DPP6: variants seen among roughly 807,000 people sequenced by gnomAD.
DPP6 encodes the protein A-type potassium channel modulatory protein DPP6.
Under a neutral mutation model 122.6 loss-of-function variants are expected in DPP6, and 69 were observed. The observed-to-expected ratio is 0.56, with a 90% CI of 0.46 to 0.69. DPP6 has a LOEUF of 0.69. Among genes scored for constraint, DPP6 ranks in the 30% least tolerant of loss-of-function variants. The probability of loss-of-function intolerance (pLI) is 0.00; values close to 1 mark genes in which losing one functional copy is unlikely to be tolerated. For synonymous variants in DPP6, 418 were observed against 433.1 expected (o/e 0.97, Z 0.43); for missense variants, 928 against 1,116.9 (o/e 0.83, Z 2.41).
intron 6 of DPP6, among the ~76,000 whole-genome samples, chr7:154,643,268 T>A (rs577781071): frequency 2.0e-5 from 3 of 152,258 alleles, no homozygotes; most frequent in South Asian, 4.1e-4. Context: ...ATTCTGACCT[T>A]CTGCAATTAA....
At chr7:154,058,476 AGGG>A (rs34296411) in intron 1 of DPP6, 1 of 113,600 alleles carries the variant, frequency 8.8e-6, no homozygotes, top group Non-Finnish European at 1.8e-5. Flanking sequence ...CCCCCATCGT[AGGG>A]GGGGGGAGGC....
intron 1 of DPP6, among the ~76,000 whole-genome samples, chr7:154,356,626 G>C (rs762319820): frequency 6.6e-6 from 1 of 151,752 alleles, no homozygotes; most frequent in Non-Finnish European, 1.5e-5. Context: ...TCAATAGTCA[G>C]ACAATTCTAT....
At chr7:154,402,262 G>A (rs1815685532) in intron 1 of DPP6, among the ~76,000 whole-genome samples, 1 of 152,112 alleles carries the variant, frequency 6.6e-6, no homozygotes, top group African/African-American at 2.4e-5. Context: ...ATACCCAGAC[G>A]ACTATAAATC....
chr7:154,591,992 G>A (rs557528531), intron 5 of DPP6, among the ~76,000 whole-genome samples: 3 of 152,318 alleles, frequency 2.0e-5, no homozygotes, highest in South Asian at 2.1e-4. Context: ...GAACAGGGGC[G>A]GCTACTGCAG....
At chr7:154,522,238 T>C (rs1827050413) in intron 3 of DPP6, among the ~76,000 whole-genome samples, 2 of 152,088 alleles carry the variant, frequency 1.3e-5, no homozygotes, top group African/African-American at 4.8e-5. Flanking sequence ...CCTCCCAAAA[T>C]GCTAGGATTA....
chr7:153,899,867 G>A (rs1443994128), intron 1 of DPP6, among the ~76,000 whole-genome samples: 2 of 152,208 alleles, frequency 1.3e-5, no homozygotes, highest in Non-Finnish European at 2.9e-5. Flanking sequence ...TTCTCATTAA[G>A]AGTTGAAGGC....
At position 154,032,114 on chromosome 7, in the gene DPP6, T is replaced by A. The variant is rs566561366; in HGVS notation, c.51+144380T>A. Among the ~76,000 whole-genome samples the A allele has an allele frequency of 1.4e-4, 21 of 151,898 alleles. No homozygotes were observed. The South Asian group carries it at 1.9e-3, about 14-fold the overall frequency. On this transcript the variant is annotated intron_variant, in intron 1 of 25. Coordinates refer to the DPP6 transcript ENST00000404039. Reference sequence around the variant, plus strand: ...TGGTCTCGATCTCCTGACCTTGTGATCCTCCCGCCTCAGCCTCCCAAAGTG... The same window carrying A: ...TGGTCTCGATCTCCTGACCTTGTGAACCTCCCGCCTCAGCCTCCCAAAGTG...
intron 6 of DPP6, among the ~76,000 whole-genome samples, chr7:154,639,140 C>T (rs1386147127): frequency 6.6e-6 from 1 of 152,136 alleles, no homozygotes; most frequent in African/African-American, 2.4e-5. Context: ...AGAATACAGG[C>T]AAGTCCTTGG....
At chr7:153,870,598 TC>T in the DPP6 span, among the ~76,000 whole-genome samples, 1 of 152,344 alleles carries the variant, frequency 6.6e-6, no homozygotes, top group South Asian at 2.1e-4. Flanking sequence ...GGTTCAAACT[TC>T]CTCCTTTAGC....
At position 154,149,919 on chromosome 7, in the gene DPP6, A is replaced by G. The variant is rs183035213; in HGVS notation, c.243+96856A>G. 5.5e-4 allele frequency among the ~76,000 whole-genome samples: 83 copies of G among 152,094 alleles called. 1 individual carries two copies. The East Asian group carries it at 0.011, about 20-fold the overall frequency. On this transcript the variant is annotated intron_variant, in intron 1 of 25. Coordinates refer to ENST00000377770, the MANE Select transcript of DPP6 (RefSeq NM_130797.4). ...CGGGAAAGTTCCAGCAGGCAGATAC[A>G]TTGCTTCCCACACAAGCTCATTGGG...
At chr7:154,325,151 G>A (rs922804179) in intron 1 of DPP6, among the ~76,000 whole-genome samples, 3 of 152,046 alleles carry the variant, frequency 2.0e-5, no homozygotes, top group African/African-American at 7.2e-5. Context: ...ACAGATATGA[G>A]CCACCGTGCC....
intron 6 of DPP6, among the ~76,000 whole-genome samples, chr7:154,664,515 A>G (rs541026146): frequency 1.3e-5 from 2 of 152,314 alleles, no homozygotes; most frequent in Non-Finnish European, 2.9e-5. Flanking sequence ...ACACAGGTCA[A>G]GTGAATTTGT....
At chr7:154,188,871 A>C (rs1284711948) in intron 1 of DPP6, among the ~76,000 whole-genome samples, 2 of 152,254 alleles carry the variant, frequency 1.3e-5, no homozygotes, top group African/African-American at 4.8e-5. Flanking sequence ...ACCACTGTTA[A>C]CTACTTGTGA....
At chr7:154,857,777 G>A (rs746866188) in intron 17 of DPP6, among the ~76,000 whole-genome samples, 6 of 152,148 alleles carry the variant, frequency 3.9e-5, no homozygotes, top group Non-Finnish European at 2.9e-5. Context: ...TGTGGTTTGC[G>A]GGGGGATGTG....
At chr7:153,806,717 C>G in the DPP6 span, among the ~76,000 whole-genome samples, 1 of 151,958 alleles carries the variant, frequency 6.6e-6, no homozygotes, top group South Asian at 2.1e-4. Context: ...TTTCTCCTTT[C>G]TGTCATTTTG....
At chr7:154,278,277 A>G (rs760047007) in intron 1 of DPP6, among the ~76,000 whole-genome samples, 1 of 152,186 alleles carries the variant, frequency 6.6e-6, no homozygotes, top group Non-Finnish European at 1.5e-5. Context: ...AAAAAAATCT[A>G]ACTCAGAACC....
At chr7:154,644,837 T>C (rs1238938193) in intron 6 of DPP6, among the ~76,000 whole-genome samples, 1 of 151,550 alleles carries the variant, frequency 6.6e-6, no homozygotes, top group East Asian at 1.9e-4. Flanking sequence ...GCCTCCTGAG[T>C]AGGTGTGACT....
At chr7:153,989,153 G>A (rs1381761659) in intron 1 of DPP6, among the ~76,000 whole-genome samples, 2 of 148,382 alleles carry the variant, frequency 1.3e-5, no homozygotes, top group Non-Finnish European at 3.0e-5. Flanking sequence ...CACCGGGTGT[G>A]AGTGTGGGTG....
At chr7:153,753,511 A>T in the DPP6 span, among the ~76,000 whole-genome samples, 2 of 151,120 alleles carry the variant, frequency 1.3e-5, no homozygotes, top group Non-Finnish European at 2.9e-5. Flanking sequence ...CCAGGTCCGA[A>T]AAAACTCTCA....
Sources: gnomAD v4.1 joint callset for allele counts (sites outside exome capture counted in the v4.1 genomes callset) on GRCh38, gnomAD v4.1.1 for gene constraint, MANE v1.5 for transcripts, NCBI Gene and HGNC (gene_info 2026-07-23, HGNC 2026-07-21) for gene names.